Variants in RALGAPB observed in about 807,000 individuals in gnomAD.
RALGAPB encodes the protein ral GTPase-activating protein subunit beta.
Under a neutral mutation model 161.1 loss-of-function variants are expected in RALGAPB, and 25 were observed. That is an observed-to-expected ratio of 0.16 (90% CI 0.11 to 0.22). RALGAPB has a LOEUF of 0.22. Among genes scored for constraint, RALGAPB ranks in the 10% least tolerant of loss-of-function variants. RALGAPB has a pLI of 1.00. For synonymous variants in RALGAPB, 629 were observed against 626.1 expected, an observed-to-expected ratio of 1.00 and a Z score of -0.07; for missense variants, 1,391 against 1,815.2, an observed-to-expected ratio of 0.77 and a Z score of 4.25.
chr20:38,503,078 A>C (rs1315305), intron 5 of RALGAPB, among the ~76,000 whole-genome samples: 96,479 of 152,150 alleles, frequency 0.63, 35,357 homozygotes, highest in East Asian at 0.91. Context: ...CTTCAAGCCT[A>C]CAAGTGTCTG....
At chr20:38,507,056 T>C (rs1008647419) in intron 5 of RALGAPB, among the ~76,000 whole-genome samples, 2 of 152,212 alleles carry the variant, frequency 1.3e-5, no homozygotes, top group African/African-American at 4.8e-5. Context: ...AATGCTTTTA[T>C]CTTGATTATA....
At chr20:38,496,308 AG>A (rs971072203) in intron 3 of RALGAPB, among the ~76,000 whole-genome samples, 51 of 152,272 alleles carry the variant, frequency 3.3e-4, no homozygotes, top group South Asian at 8.3e-4. Flanking sequence ...CTCTCTTCTA[AG>A]GTTGGGTTGA....
chr20:38,481,114 A>G (rs2084954603), intron 1 of RALGAPB, among the ~76,000 whole-genome samples: 1 of 152,072 alleles, frequency 6.6e-6, no homozygotes, highest in Non-Finnish European at 1.5e-5. Context: ...CCTTCAATGC[A>G]CAATTCGTAT....
chr20:38,488,552 T>C lies in RALGAPB; in HGVS notation c.120T>C (p.Pro40=), dbSNP rs2085184090. ...GREVANAVVR[P]LGQVLGTPSV... is the part of the protein sequence containing the mutation. Reference sequence around the variant, plus strand: ...AGGTGGCAAATGCTGTAGTCCGTCCTCTTGGGCAGGTGTTAGGTACCCCTT... The same window carrying C: ...AGGTGGCAAATGCTGTAGTCCGTCCCCTTGGGCAGGTGTTAGGTACCCCTT... Residue 40 remains proline, a synonymous_variant, in exon 2 of 30, where the codon CCT becomes CCC. Coordinates refer to ENST00000262879, the MANE Select transcript of RALGAPB (RefSeq NM_020336.4). The C allele has an allele frequency of 6.2e-7, 1 of 1,614,224 alleles. No homozygotes were observed. Among genetic ancestry groups the C allele is most frequent in the Non-Finnish European group, 8.5e-7 (1 of 1,180,042 alleles).
intron 18 of RALGAPB, among the ~76,000 whole-genome samples, chr20:38,543,118 C>G (rs2087029402): frequency 6.6e-6 from 1 of 152,158 alleles, no homozygotes; most frequent in Non-Finnish European, 1.5e-5. Flanking sequence ...TCATCTGTTT[C>G]GCTTCAGCTG....
chr20:38,476,369 G>A (rs2084802991), intron 1 of RALGAPB, among the ~76,000 whole-genome samples: 1 of 152,184 alleles, frequency 6.6e-6, no homozygotes, highest in Non-Finnish European at 1.5e-5. Flanking sequence ...GGTGCATGGA[G>A]TTTCATTCTA....
intron 25 of RALGAPB, among the ~76,000 whole-genome samples, chr20:38,565,882 A>G (rs1440633506): frequency 1.3e-5 from 2 of 152,188 alleles, no homozygotes; most frequent in Non-Finnish European, 2.9e-5. Flanking sequence ...TCATGATAGC[A>G]TATGGCCATT....
Position 38,497,515 on chromosome 20 carries a change from A to C in RALGAPB, c.552A>C (p.Gln184His). Residue 184 changes from glutamine (Q) to histidine (H), a missense_variant and splice_region_variant, in exon 4 of 30, where the codon CAA (glutamine) becomes CAC (histidine). Transcript: ENST00000262879. Reference sequence around the variant, plus strand: ...TACTTCTGGCCCCACCAACTGTTCAAGGTTTGTTTATTTTTTTTTTTCTAA... The same window carrying C: ...TACTTCTGGCCCCACCAACTGTTCACGGTTTGTTTATTTTTTTTTTTCTAA... ...NDILLAPPTV[Q>H]GGIAENLAEK... 1 of 1,590,988 alleles carries C rather than the reference A, an allele frequency of 6.3e-7. No homozygotes were observed. The highest frequency in any genetic ancestry group is 1.2e-5 in the South Asian group (1 of 85,492).
intron 6 of RALGAPB, among the ~76,000 whole-genome samples, chr20:38,511,001 C>T (rs1398638145): frequency 6.6e-6 from 1 of 152,114 alleles, no homozygotes; most frequent in East Asian, 1.9e-4. Flanking sequence ...CTGGCAGAGG[C>T]TCTTTCATCT....
intron 16 of RALGAPB, 142 bp downstream of exon 16, chr20:38,535,349 T>G: frequency 1.9e-6 from 2 of 1,068,646 alleles, no homozygotes; most frequent in South Asian, 3.5e-5. Flanking sequence ...TGTACAAAAT[T>G]TAGCCTCCAA....
intron 5 of RALGAPB, among the ~76,000 whole-genome samples, chr20:38,504,604 T>C (rs564484372): frequency 3.3e-5 from 5 of 152,238 alleles, no homozygotes; most frequent in South Asian, 4.1e-4. Flanking sequence ...CTAAAGAGTT[T>C]GCACAGTAAA....
At chr20:38,520,781 A>T (rs2086267916) in intron 9 of RALGAPB, among the ~76,000 whole-genome samples, 1 of 152,164 alleles carries the variant, frequency 6.6e-6, no homozygotes, top group Admixed American at 6.5e-5. Flanking sequence ...TACACTGTGA[A>T]ATCTTTTGTT....
At chr20:38,495,018 G>A in intron 3 of RALGAPB, among the ~76,000 whole-genome samples, 1 of 152,174 alleles carries the variant, frequency 6.6e-6, no homozygotes, top group Non-Finnish European at 1.5e-5. Context: ...AATTCTGAGA[G>A]GGTACTCAAC....
At chr20:38,518,044 C>CT (rs1384000838) in intron 9 of RALGAPB, 44 bp downstream of exon 9, 3 of 1,520,870 alleles carry the variant, frequency 2.0e-6, no homozygotes, top group Non-Finnish European at 2.7e-6. Context: ...TTTCCTTTTC[C>CT]TTTTTCTTTT....
chr20:38,574,187 A>C lies in RALGAPB; in HGVS notation c.4180A>C (p.Ile1394Leu). The change falls in exon 29 of 30, where the codon ATC (isoleucine) becomes CTC (leucine). Residue 1394 changes from isoleucine (I) to leucine (L), a missense_variant. By Grantham distance (5) the Ile-to-Leu change is conservative (BLOSUM62 2). Coordinates refer to ENST00000262879, the MANE Select transcript of RALGAPB (RefSeq NM_020336.4). ...TGAAAAAGAAGTTCCTGTCATCTTCATCCACCCTTTAAACACTGGATTATT... is the reference window on the plus strand; with the variant it reads ...TGAAAAAGAAGTTCCTGTCATCTTCCTCCACCCTTTAAACACTGGATTATT... ...TLEKEVPVIF[I>L]HPLNTGLFRI... 2.5e-6 allele frequency: 4 copies of C among 1,611,216 alleles called. No homozygotes were observed. In the Admixed American group the frequency reaches 6.7e-5, roughly 27 times the overall value.
chr20:38,508,124 A>T (rs2085821396), intron 5 of RALGAPB, among the ~76,000 whole-genome samples: 4 of 151,132 alleles, frequency 2.6e-5, no homozygotes, highest in Admixed American at 2.6e-4. Context: ...TAATTATATA[A>T]GTATAATTAC....
chr20:38,514,566 ATTGTGATTAT>A (rs1469901986), intron 6 of RALGAPB, among the ~76,000 whole-genome samples: 2 of 152,058 alleles, frequency 1.3e-5, no homozygotes, highest in Non-Finnish European at 2.9e-5. Context: ...ATTTTTTATG[ATTGTGATTAT>A]TTGTGATTGT....
Position 38,562,554 on chromosome 20 carries a change from C to G in RALGAPB, c.3554C>G (p.Ser1185Cys), listed in dbSNP as rs769535082. Residue 1185 changes from serine (S) to cysteine (C), a missense_variant, in exon 24 of 30, where the codon TCC (serine) becomes TGC (cysteine). By Grantham distance (112) the Ser-to-Cys change is moderately radical. Around this residue, in one of 3 missense-constraint regions of RALGAPB, gnomAD observed 436 missense variants for 527.0 expected, o/e 0.83. Coordinates refer to ENST00000262879, the MANE Select transcript of RALGAPB (RefSeq NM_020336.4). The stretch of plus-strand genomic sequence containing the variant: ...CAGATTTTAAAGAATGTGGAGTCTT[C>G]CAGAACTGTTCAGCCACATTTCCTA... ...NQEILKNVESSRTVQPHFLEF... is the reference protein window; with the variant it reads ...NQEILKNVESCRTVQPHFLEF... The G allele has an allele frequency of 6.2e-7, 1 of 1,611,726 alleles. No individual in the cohort carries two copies. The highest frequency in any genetic ancestry group is 8.5e-7 in the Non-Finnish European group (1 of 1,178,522).
In RALGAPB at chr20:38,483,705, A is replaced by G. The variant is rs138520538; in HGVS notation, c.-30-4698A>G. Reference sequence around the variant, plus strand: ...ACAACCCCATGGCAAGTAGACTAAGACATGGCAAGTGTGATCAAGACATGT... The same window carrying G: ...ACAACCCCATGGCAAGTAGACTAAGGCATGGCAAGTGTGATCAAGACATGT... On this transcript the variant is annotated intron_variant, in intron 1 of 29. Transcript: ENST00000262879. Among the ~76,000 whole-genome samples the G allele has an allele frequency of 1.4e-4, 22 of 152,246 alleles. No individual in the cohort carries two copies. The East Asian group carries it at 3.3e-3, about 23-fold the overall frequency.
Sources: allele counts gnomAD v4.1 joint callset (sites outside exome capture counted in the v4.1 genomes callset), GRCh38; gene constraint gnomAD v4.1.1; regional missense constraint gnomAD v4.1.1; transcripts MANE v1.5; gene names NCBI Gene and HGNC (gene_info 2026-07-23, HGNC 2026-07-21).